Variants in SCAPER observed in about 807,000 individuals in gnomAD.
SCAPER encodes the protein S-phase cyclin A associated protein in the ER, also known as S phase cyclin A-associated protein in the endoplasmic reticulum.
Under a neutral mutation model 182.2 loss-of-function variants are expected in SCAPER, and 98 were observed. That is an observed-to-expected ratio of 0.54 (90% CI 0.46 to 0.64). SCAPER has a LOEUF of 0.64. SCAPER is among the 30% of genes least tolerant of loss of function. The pLI, the probability that SCAPER is intolerant of heterozygous loss-of-function variation, is 0.00. For synonymous variants in SCAPER, 605 were observed against 564.6 expected, an observed-to-expected ratio of 1.07 and a Z score of -1.01; for missense variants, 1,432 against 1,690.0, an observed-to-expected ratio of 0.85 and a Z score of 2.68.
Position 76,868,416 on chromosome 15 carries a change from A to G in SCAPER, c.7-5883T>C, listed in dbSNP as rs997668873. Reference sequence around the variant, plus strand: ...TCAAAAAAAAAACCAAAAAACCTAAAGACTACACCAAAATCTGTTAGAACT... The same window carrying G: ...TCAAAAAAAAAACCAAAAAACCTAAGGACTACACCAAAATCTGTTAGAACT... On this transcript the variant is annotated intron_variant, in intron 2 of 31. Transcript: ENST00000563290. Among the ~76,000 whole-genome samples the G allele has an allele frequency of 2.0e-5, 3 of 152,134 alleles. No homozygotes were observed. The South Asian group carries it at 6.2e-4, about 32-fold the overall frequency.
At chr15:76,621,713 T>C (rs368067350) in intron 22 of SCAPER, 51 bp downstream of exon 22, 3 of 1,400,072 alleles carry the variant, frequency 2.1e-6, no homozygotes, top group East Asian at 2.4e-5. Context: ...GATACACTTT[T>C]GTTACAGGCA....
chr15:76,759,145 C>T (rs542716083), intron 14 of SCAPER, among the ~76,000 whole-genome samples: 1 of 152,044 alleles, frequency 6.6e-6, no homozygotes, highest in African/African-American at 2.4e-5. Flanking sequence ...TTGCCTTTTA[C>T]CAAATCATAG....
At chr15:76,772,256 A>T (rs2063514162) in intron 9 of SCAPER, among the ~76,000 whole-genome samples, 2 of 152,022 alleles carry the variant, frequency 1.3e-5, no homozygotes, top group Admixed American at 1.3e-4. Context: ...AGTATTTTGT[A>T]TCCTTCGCAA....
intron 7 of SCAPER, among the ~76,000 whole-genome samples, chr15:76,799,095 T>C (rs1185410005): frequency 1.3e-5 from 2 of 152,314 alleles, no homozygotes; most frequent in East Asian, 1.9e-4. Flanking sequence ...GAGCTTGTAA[T>C]ATATAAATAA....
Position 76,795,340 on chromosome 15 carries a change from C to G in SCAPER, c.712G>C (p.Glu238Gln). The change falls in exon 8 of 32, where the codon GAA becomes CAA. Residue 238 changes from glutamate to glutamine, a missense_variant. Coordinates refer to ENST00000563290, the MANE Select transcript of SCAPER (RefSeq NM_020843.4). ...AHHTGSTASS[E>Q]ITPAQSCPPM... ...GGGCAAGACTGGGCGGGTGTTATTT[C>G]TGAAGAAGCAGTAGAGCCTGTATGA... 6.2e-7 allele frequency: 1 copy of G among 1,613,376 alleles called. No homozygotes were observed. Among genetic ancestry groups the G allele is most frequent in the Non-Finnish European group, 8.5e-7 (1 of 1,179,512 alleles).
intron 23 of SCAPER, among the ~76,000 whole-genome samples, chr15:76,540,993 C>A (rs1233501364): frequency 1.3e-5 from 2 of 151,504 alleles, no homozygotes; most frequent in African/African-American, 2.4e-5. Flanking sequence ...TGGTGATGGG[C>A]GCCTGTAATC....
intron 4 of SCAPER, among the ~76,000 whole-genome samples, chr15:76,850,190 C>T (rs1322441910): frequency 1.3e-5 from 2 of 152,226 alleles, no homozygotes; most frequent in African/African-American, 2.4e-5. Flanking sequence ...TTGCACAAAG[C>T]TTGAGTCCTA....
chr15:76,488,532 C>T (rs1215010773), intron 24 of SCAPER, among the ~76,000 whole-genome samples: 1 of 151,948 alleles, frequency 6.6e-6, no homozygotes, highest in Non-Finnish European at 1.5e-5. Flanking sequence ...CTCCTTCAAT[C>T]TTCTTTAGTT....
At chr15:76,676,835 G>C (rs540467074) in intron 20 of SCAPER, among the ~76,000 whole-genome samples, 1 of 151,060 alleles carries the variant, frequency 6.6e-6, no homozygotes, top group Non-Finnish European at 1.5e-5. Flanking sequence ...TGTTAATACA[G>C]CAGGCATTAC....
intron 8 of SCAPER, among the ~76,000 whole-genome samples, chr15:76,783,769 G>GA (rs1392590034): frequency 1.3e-5 from 2 of 151,876 alleles, no homozygotes; most frequent in Non-Finnish European, 2.9e-5. Flanking sequence ...TATATAAACA[G>GA]AAAAAAAGAC....
intron 21 of SCAPER, among the ~76,000 whole-genome samples, chr15:76,646,375 C>G (rs1341952849): frequency 6.6e-6 from 1 of 152,164 alleles, no homozygotes; most frequent in Non-Finnish European, 1.5e-5. Context: ...GTGATTACCA[C>G]TGGACACTGA....
chr15:76,628,015 T>C (rs2052747105), intron 21 of SCAPER, among the ~76,000 whole-genome samples: 8 of 152,248 alleles, frequency 5.3e-5, no homozygotes, highest in Admixed American at 5.2e-4. Flanking sequence ...CATTGTGGTT[T>C]TGATTTACAT....
At chr15:76,729,990 T>C (rs1247189007) in intron 16 of SCAPER, among the ~76,000 whole-genome samples, 2 of 152,158 alleles carry the variant, frequency 1.3e-5, no homozygotes, top group Admixed American at 6.6e-5. Flanking sequence ...TAGTACCTAC[T>C]ACTTACATAA....
rs907878653 is a variant in SCAPER at position 76,744,167 on chromosome 15, G to A, written c.1866+9641C>T. Among the ~76,000 whole-genome samples the A allele has an allele frequency of 1.3e-5, 2 of 151,978 alleles. 1 individual carries two copies. The highest frequency in any genetic ancestry group is 1.3e-4 in the Admixed American group (2 of 15,270). Reference sequence around the variant, plus strand: ...GATGGATTAAAGATTTAAATGTAAGGCCTCAAACTATAAAAATCCTAGAAG... The same window carrying A: ...GATGGATTAAAGATTTAAATGTAAGACCTCAAACTATAAAAATCCTAGAAG... On this transcript the variant is annotated intron_variant, in intron 15 of 31. Coordinates refer to ENST00000563290, the MANE Select transcript of SCAPER (RefSeq NM_020843.4).
chr15:76,888,846 G>A (rs903548814), intron 1 of SCAPER, among the ~76,000 whole-genome samples: 15 of 152,204 alleles, frequency 9.9e-5, no homozygotes, highest in East Asian at 5.8e-4. Context: ...CATACTCCTC[G>A]AGAAGAGGAA....
chr15:76,498,346 T>C (rs895361753), intron 24 of SCAPER: 1 of 152,200 alleles, frequency 6.6e-6, no homozygotes, highest in African/African-American at 2.4e-5. Flanking sequence ...ATTTACCTGC[T>C]TCTGGAGCAC....
chr15:76,421,912 G>T (rs958875203), intron 26 of SCAPER, among the ~76,000 whole-genome samples: 2 of 152,152 alleles, frequency 1.3e-5, no homozygotes, highest in Non-Finnish European at 2.9e-5. Flanking sequence ...TGTCAGGTTT[G>T]TCAAAGATCA....
chr15:76,719,030 C>T (rs1342307674), intron 17 of SCAPER, among the ~76,000 whole-genome samples: 4 of 152,104 alleles, frequency 2.6e-5, no homozygotes, highest in African/African-American at 9.7e-5. Context: ...CCATAGGACC[C>T]AGCTGATCCC....
intron 23 of SCAPER, among the ~76,000 whole-genome samples, chr15:76,561,479 T>C (rs2046616809): frequency 6.6e-6 from 1 of 152,186 alleles, no homozygotes; most frequent in African/African-American, 2.4e-5. Flanking sequence ...CTTAGGATTA[T>C]AAAAATTTTT....
Sources: allele counts gnomAD v4.1 joint callset (sites outside exome capture counted in the v4.1 genomes callset), GRCh38; gene constraint gnomAD v4.1.1; transcripts MANE v1.5; gene names NCBI Gene and HGNC (gene_info 2026-07-23, HGNC 2026-07-21).